The following TAFA2 variants were observed in gnomAD, a reference collection of about 807,000 sequenced individuals.
TAFA2 encodes the protein chemokine-like protein TAFA-2.
Under a neutral mutation model 18.8 loss-of-function variants are expected in TAFA2, and 7 were observed. That is an observed-to-expected ratio of 0.37 (90% CI 0.21 to 0.70). The LOEUF (loss-of-function observed/expected upper bound fraction) is 0.70, where lower values mean the gene tolerates loss of function less well. Among genes scored for constraint, TAFA2 ranks in the 30% least tolerant of loss-of-function variants. The pLI is 0.53. For missense variants in TAFA2, 122 were observed against 158.1 expected, an observed-to-expected ratio of 0.77 and a Z score of 1.23; for synonymous variants, 60 against 54.2, an observed-to-expected ratio of 1.11 and a Z score of -0.47.
chr12:62,145,958 A>G (rs2062278098), intron 1 of TAFA2, among the ~76,000 whole-genome samples: 1 of 152,236 alleles, frequency 6.6e-6, no homozygotes, highest in Non-Finnish European at 1.5e-5. Context: ...TTTGGTATCT[A>G]CATAACCAAT....
chr12:61,721,189 A>G (rs1428119089), intron 4 of TAFA2, among the ~76,000 whole-genome samples: 1 of 152,186 alleles, frequency 6.6e-6, no homozygotes, highest in Admixed American at 6.6e-5. Flanking sequence ...TTTAAAAAAA[A>G]AGGACAGTAA....
At chr12:61,979,542 G>C (rs1311241292) in intron 1 of TAFA2, among the ~76,000 whole-genome samples, 1 of 152,084 alleles carries the variant, frequency 6.6e-6, no homozygotes, top group African/African-American at 2.4e-5. Flanking sequence ...TATAGGAAGA[G>C]TGAGAAAGGA....
chr12:62,026,948 T>C (rs1219047804), intron 1 of TAFA2, among the ~76,000 whole-genome samples: 1 of 152,136 alleles, frequency 6.6e-6, no homozygotes, highest in Admixed American at 6.6e-5. Context: ...GGGTCTTTCC[T>C]TTAAAAATCA....
chr12:62,135,407 C>T (rs558370252), intron 1 of TAFA2, among the ~76,000 whole-genome samples: 6 of 152,124 alleles, frequency 3.9e-5, no homozygotes, highest in African/African-American at 1.4e-4. Context: ...ACTCCAGTGA[C>T]AGGCATCGCA....
chr12:61,748,738 T>TA (rs1868856263), intron 4 of TAFA2, among the ~76,000 whole-genome samples: 1 of 152,076 alleles, frequency 6.6e-6, no homozygotes, highest in African/African-American at 2.4e-5. Flanking sequence ...ACCTAATACT[T>TA]ATCTATCTTC....
At position 61,908,363 on chromosome 12, in the gene TAFA2, C is replaced by T. The variant is rs921006505; in HGVS notation, c.-1-40937G>A. ...GATGGTTTTATAAAAGGGCACTCCC[C>T]GGCACACACTGTCTTGCCTGTTGCC... On this transcript the variant is annotated intron_variant, in intron 1 of 4. Coordinates refer to ENST00000416284, the MANE Select transcript of TAFA2 (RefSeq NM_178539.5). Among the ~76,000 whole-genome samples, 10 of 152,010 alleles carry T rather than the reference C, an allele frequency of 6.6e-5. No individual in the cohort carries two copies. The East Asian group carries it at 9.7e-4, about 15-fold the overall frequency.
intron 1 of TAFA2, among the ~76,000 whole-genome samples, chr12:62,085,102 T>A (rs1399444503): frequency 6.6e-6 from 1 of 152,148 alleles, no homozygotes; most frequent in Non-Finnish European, 1.5e-5. Flanking sequence ...TGCAGTAGCA[T>A]CCCAGACATC....
chr12:61,954,314 G>A (rs1403112532), intron 1 of TAFA2, among the ~76,000 whole-genome samples: 2 of 152,154 alleles, frequency 1.3e-5, no homozygotes, highest in Non-Finnish European at 2.9e-5. Flanking sequence ...CTAGTAATAG[G>A]AAATAATAAA....
intron 2 of TAFA2, among the ~76,000 whole-genome samples, chr12:61,865,918 A>G (rs1417340125): frequency 1.5e-5 from 2 of 137,592 alleles, no homozygotes; most frequent in Non-Finnish European, 3.3e-5. Context: ...TGTTAAGTCC[A>G]CGGCAGGGCT....
At chr12:61,720,446 GCCAATTATTTATT>G (rs1423576471) in intron 4 of TAFA2, among the ~76,000 whole-genome samples, 1 of 152,074 alleles carries the variant, frequency 6.6e-6, no homozygotes, top group East Asian at 1.9e-4. Flanking sequence ...GCTCTTTGTG[GCCAATTATTTATT>G]CAGTGTACGG....
chr12:61,740,479 A>C (rs964079151), intron 4 of TAFA2, among the ~76,000 whole-genome samples: 23 of 134,944 alleles, frequency 1.7e-4, no homozygotes, highest in Admixed American at 2.1e-4. Context: ...CTTAAAGTCT[A>C]AAAAAAAAAA....
intron 1 of TAFA2, among the ~76,000 whole-genome samples, chr12:62,128,488 G>A (rs1870553308): frequency 6.6e-6 from 1 of 151,976 alleles, no homozygotes; most frequent in Non-Finnish European, 1.5e-5. Context: ...AACAAATCCA[G>A]GTAAAGAACA....
chr12:62,043,176 C>A (rs1017765604), intron 1 of TAFA2, among the ~76,000 whole-genome samples: 2 of 151,940 alleles, frequency 1.3e-5, no homozygotes. Flanking sequence ...TAGTTTATTG[C>A]GGCACTATTC....
chr12:61,937,176 C>G (rs1877803854), intron 1 of TAFA2, among the ~76,000 whole-genome samples: 1 of 152,140 alleles, frequency 6.6e-6, no homozygotes, highest in Non-Finnish European at 1.5e-5. Context: ...AATGGAAATG[C>G]ATCCCAGGTT....
At chr12:62,241,916 TA>T (rs1157236914) in intron 1 of TAFA2, among the ~76,000 whole-genome samples, 3 of 152,040 alleles carry the variant, frequency 2.0e-5, no homozygotes, top group African/African-American at 7.2e-5. Flanking sequence ...TTAAGTGAGG[TA>T]AAAAAAGGAT....
At chr12:61,985,284 G>A (rs963573348) in intron 1 of TAFA2, among the ~76,000 whole-genome samples, 18 of 152,234 alleles carry the variant, frequency 1.2e-4, no homozygotes, top group Non-Finnish European at 1.9e-4. Context: ...AATATGCTGC[G>A]AATAATTTTC....
At chr12:62,112,541 G>A (rs1471051983) in intron 1 of TAFA2, among the ~76,000 whole-genome samples, 1 of 152,132 alleles carries the variant, frequency 6.6e-6, no homozygotes, top group Admixed American at 6.5e-5. Flanking sequence ...TGTCTTTCTA[G>A]GCTGAGGAAG....
At chr12:61,929,045 A>G (rs1877432958) in intron 1 of TAFA2, among the ~76,000 whole-genome samples, 1 of 152,132 alleles carries the variant, frequency 6.6e-6, no homozygotes, top group African/African-American at 2.4e-5. Flanking sequence ...CATTAGGAGA[A>G]ATATCTAATG....
At chr12:61,801,656 C>A (rs1871401716) in intron 2 of TAFA2, among the ~76,000 whole-genome samples, 1 of 152,030 alleles carries the variant, frequency 6.6e-6, no homozygotes, top group Non-Finnish European at 1.5e-5. Flanking sequence ...TTTAAAACTA[C>A]TAGAAGAAAG....
Sources: gnomAD v4.1 joint callset for allele counts (sites outside exome capture counted in the v4.1 genomes callset) on GRCh38, gnomAD v4.1.1 for gene constraint, MANE v1.5 for transcripts, NCBI Gene and HGNC (gene_info 2026-07-23, HGNC 2026-07-21) for gene names.